PCED1B: variants seen among roughly 807,000 people sequenced by gnomAD.
The protein encoded by PCED1B is PC-esterase domain containing 1B.
For missense variants in PCED1B, 573 were observed against 573.9 expected (o/e 1.00, Z 0.02); for synonymous variants, 251 against 246.1 (o/e 1.02, Z -0.19).
At position 47,235,169 on chromosome 12, in the gene PCED1B, C is replaced by A. The variant is rs761239238; in HGVS notation, c.106C>A (p.Leu36Met). The change falls in exon 4 of 4, where the codon CTG becomes ATG. Residue 36 changes from leucine (L) to methionine (M), a missense_variant. Physicochemically the swap from Leu to Met is conservative, Grantham distance 15. Transcript: ENST00000546455. ...GGCAGTATACAAGGACCTGGTGCTT[C>A]TGCTGCAGAAGGACCGCCTGCTCAC... ...HRAVYKDLVLLLQKDRLLTPG... is the reference protein window; with the variant it reads ...HRAVYKDLVLMLQKDRLLTPG... The A allele has an allele frequency of 5.0e-6, 8 of 1,586,850 alleles. No homozygotes were observed. In the Admixed American group the frequency reaches 1.2e-4, roughly 24 times the overall value.
chr12:47,195,199 C>CA (rs1188583627), intron 2 of PCED1B, among the ~76,000 whole-genome samples: 1 of 151,936 alleles, frequency 6.6e-6, no homozygotes, highest in Non-Finnish European at 1.5e-5. Context: ...CATGGTGGTA[C>CA]ACACCTGTAG....
At chr12:47,199,227 T>C (rs948213866) in intron 2 of PCED1B, among the ~76,000 whole-genome samples, 4 of 152,118 alleles carry the variant, frequency 2.6e-5, no homozygotes, top group Admixed American at 2.0e-4. Flanking sequence ...TACAAAACTG[T>C]GATGAAAGAA....
Position 47,217,525 on chromosome 12 carries a change from GAA to G in PCED1B, c.-58+838_-58+839del, listed in dbSNP as rs1434592954. Among the ~76,000 whole-genome samples the G allele has an allele frequency of 4.3e-4, 50 of 117,262 alleles. 6 individuals carry two copies. Among genetic ancestry groups the G allele is most frequent in the African/African-American group, 2.3e-3 (50 of 21,346 alleles). The allele number at this position is 117,262 out of a possible 152,430, so 76.9% of individuals were successfully genotyped here. On this transcript the variant is annotated intron_variant, in intron 3 of 3. Transcript: ENST00000546455. ...GAAAGAAAGAAAGAAAGAAGAAAGA[GAA>G]AGAGAGAAAAGAAAAGGAAAGAAAG... is the stretch of plus-strand genomic sequence containing the variant.
chr12:47,114,685 T>C (rs532862396), intron 2 of PCED1B, among the ~76,000 whole-genome samples: 1 of 152,336 alleles, frequency 6.6e-6, no homozygotes, highest in South Asian at 2.1e-4. Context: ...TTGAGGTTGC[T>C]GCACCAAGCC....
chr12:47,174,104 A>T (rs1233439823), intron 2 of PCED1B, among the ~76,000 whole-genome samples: 1 of 151,898 alleles, frequency 6.6e-6, no homozygotes, highest in Non-Finnish European at 1.5e-5. Flanking sequence ...ACATAGTGAG[A>T]CTCTGTCTCT....
intron 2 of PCED1B, among the ~76,000 whole-genome samples, chr12:47,189,975 C>G (rs1942392664): frequency 6.6e-6 from 1 of 152,194 alleles, no homozygotes; most frequent in South Asian, 2.1e-4. Flanking sequence ...CCTCCCTTGG[C>G]CACTCCCAGT....
intron 3 of PCED1B, among the ~76,000 whole-genome samples, chr12:47,233,048 C>T (rs1414703760): frequency 2.0e-5 from 3 of 152,006 alleles, no homozygotes; most frequent in Non-Finnish European, 4.4e-5. Context: ...GCCATCCTCC[C>T]GCCTCAGTCG....
chr12:47,120,019 G>A (rs1939609518), intron 2 of PCED1B, among the ~76,000 whole-genome samples: 1 of 151,830 alleles, frequency 6.6e-6, no homozygotes, highest in Non-Finnish European at 1.5e-5. Context: ...TTAAAAAATA[G>A]AAAAATGATA....
At chr12:47,116,188 A>C (rs1335119105) in intron 2 of PCED1B, among the ~76,000 whole-genome samples, 1 of 152,208 alleles carries the variant, frequency 6.6e-6, no homozygotes, top group Non-Finnish European at 1.5e-5. Flanking sequence ...TGGAAGGCAA[A>C]TACAAAATTC....
At chr12:47,082,394 G>A (rs894995521) in intron 1 of PCED1B, among the ~76,000 whole-genome samples, 5 of 152,082 alleles carry the variant, frequency 3.3e-5, no homozygotes, top group Non-Finnish European at 5.9e-5. Flanking sequence ...TTAAAAAAAA[G>A]GAGAAGAAAG....
chr12:47,179,965 G>T (rs1942042661), intron 2 of PCED1B, among the ~76,000 whole-genome samples: 1 of 151,938 alleles, frequency 6.6e-6, no homozygotes, highest in African/African-American at 2.4e-5. Context: ...AAGTTCCAGG[G>T]TACATGTGCA....
chr12:47,191,543 G>C (rs888324126), intron 2 of PCED1B, among the ~76,000 whole-genome samples: 1 of 152,074 alleles, frequency 6.6e-6, no homozygotes, highest in Admixed American at 6.6e-5. Flanking sequence ...GGCAAATTGG[G>C]GGAAGTCATG....
chr12:47,236,370 T>C lies in PCED1B; in HGVS notation c.*8T>C. On this transcript the variant is annotated 3_prime_UTR_variant, in exon 4 of 4. Transcript: ENST00000546455. Reference sequence around the variant, plus strand: ...GAGCCAAGGCCTCAATAGACGGACCTAGGCCTTATTTCCTCTTTATGAACA... The same window carrying C: ...GAGCCAAGGCCTCAATAGACGGACCCAGGCCTTATTTCCTCTTTATGAACA... The C allele has an allele frequency of 6.4e-7, 1 of 1,551,378 alleles. No individual in the cohort carries two copies. The highest frequency in any genetic ancestry group is 8.7e-7 in the Non-Finnish European group (1 of 1,151,638).
chr12:47,192,151 G>A (rs1232600413), intron 2 of PCED1B, among the ~76,000 whole-genome samples: 1 of 150,678 alleles, frequency 6.6e-6, no homozygotes, highest in East Asian at 1.9e-4. Flanking sequence ...TTTCAAAAAT[G>A]GAGGCTACGC....
rs1372845426 is a variant in PCED1B at position 47,089,480 on chromosome 12, ATATATATATATATG to A, written c.-609+9762_-609+9775del. Among the ~76,000 whole-genome samples, 120 of 92,778 alleles carry A rather than the reference ATATATATATATATG, an allele frequency of 1.3e-3. 9 individuals carry two copies. In the South Asian group the frequency reaches 0.013, roughly 10 times the overall value. The allele number at this position is 92,778 out of a possible 152,430, so 60.9% of individuals were successfully genotyped here. A position where few individuals can be genotyped will look rare whatever the true frequency, so the allele number is the denominator to read the frequency against. On this transcript the variant is annotated intron_variant, in intron 1 of 3. Transcript: ENST00000546455. ...AAAATACATATATATATATATATAT[ATATATATATATATG>A]TATATACCAAAAAACATACCTACCT...
intron 2 of PCED1B, among the ~76,000 whole-genome samples, chr12:47,108,615 C>T (rs1939058292): frequency 6.6e-6 from 1 of 152,056 alleles, no homozygotes; most frequent in East Asian, 1.9e-4. Flanking sequence ...TATTTATTGG[C>T]CCTTTGCATT....
At chr12:47,155,827 T>G (rs1941176001) in intron 2 of PCED1B, among the ~76,000 whole-genome samples, 1 of 152,238 alleles carries the variant, frequency 6.6e-6, no homozygotes, top group African/African-American at 2.4e-5. Context: ...TATCTAAATA[T>G]TTGTGGATTG....
intron 2 of PCED1B, among the ~76,000 whole-genome samples, chr12:47,150,747 T>C (rs1294090140): frequency 1.3e-5 from 2 of 151,706 alleles, no homozygotes; most frequent in Admixed American, 6.6e-5. Flanking sequence ...AGCGAGGAGC[T>C]TATGGAGCAG....
intron 1 of PCED1B, among the ~76,000 whole-genome samples, chr12:47,089,461 C>CATGTATATATATACATATAT (rs1233280547): frequency 1.6e-5 from 1 of 63,398 alleles, no homozygotes; most frequent in Non-Finnish European, 2.9e-5. Context: ...AAAAAAAATA[C>CATGTATATATATACATATAT]ATATATATAT....
Sources: allele counts gnomAD v4.1 joint callset (sites outside exome capture counted in the v4.1 genomes callset), GRCh38; gene constraint gnomAD v4.1.1; transcripts MANE v1.5; gene names NCBI Gene and HGNC (gene_info 2026-07-23, HGNC 2026-07-21).